The following TTLL5 variants were observed in gnomAD, a reference collection of about 807,000 sequenced individuals.
TTLL5 encodes the protein tubulin polyglutamylase TTLL5.
Under a neutral mutation model 168.4 loss-of-function variants are expected in TTLL5, and 132 were observed. That is an observed-to-expected ratio of 0.78 (90% confidence interval 0.68 to 0.91). TTLL5 has a LOEUF of 0.91. TTLL5 is among the 40% of genes least tolerant of loss of function. TTLL5 has a pLI of 0.00. For synonymous variants in TTLL5, 546 were observed against 558.6 expected, an observed-to-expected ratio of 0.98 and a Z score of 0.32; for missense variants, 1,545 against 1,581.5, an observed-to-expected ratio of 0.98 and a Z score of 0.39.
intron 31 of TTLL5, among the ~76,000 whole-genome samples, chr14:75,927,387 A>T (rs963127511): frequency 6.6e-6 from 1 of 152,240 alleles, no homozygotes; most frequent in African/African-American, 2.4e-5. Context: ...TGTATACAAT[A>T]AAAACCACCG....
intron 31 of TTLL5, among the ~76,000 whole-genome samples, chr14:75,928,106 C>G (rs2034137034): frequency 6.6e-6 from 1 of 151,888 alleles, no homozygotes; most frequent in African/African-American, 2.4e-5. Context: ...CAGAGATTGT[C>G]TGTAGGCGAA....
intron 7 of TTLL5, among the ~76,000 whole-genome samples, 199 bp from the exon 8 acceptor site, chr14:75,706,819 A>G (rs1028502698): frequency 2.0e-5 from 3 of 151,786 alleles, no homozygotes; most frequent in Non-Finnish European, 4.4e-5. Context: ...TTTTTCCTGC[A>G]TCGTAATTGG....
At position 75,951,917 on chromosome 14, in the gene TTLL5, AAAG is replaced by A. The variant is rs1387020901; in HGVS notation, c.3824-2501_3824-2499del. ...TATGACATCAAAAGCATAAGCAACA[AAAG>A]AAGAAAATAGACAAACTGGGCATCC... On this transcript the variant is annotated intron_variant, in intron 31 of 31. Coordinates refer to ENST00000298832, the MANE Select transcript of TTLL5 (RefSeq NM_015072.5). 3.9e-5 allele frequency among the ~76,000 whole-genome samples: 6 copies of A among 152,342 alleles called. No homozygotes were observed. In the East Asian group the frequency reaches 9.6e-4, roughly 24 times the overall value.
At chr14:75,857,642 CT>C (rs371117692) in intron 28 of TTLL5, among the ~76,000 whole-genome samples, 467 of 132,416 alleles carry the variant, frequency 3.5e-3, no homozygotes, top group Middle Eastern at 7.6e-3. Context: ...TGATAGAATT[CT>C]TTTTTTTTTT....
chr14:75,785,335 A>G (rs949603575), intron 26 of TTLL5, among the ~76,000 whole-genome samples: 5 of 152,138 alleles, frequency 3.3e-5, no homozygotes, highest in Admixed American at 1.3e-4. Context: ...ACATGCCACC[A>G]TGCTCAGCTA....
chr14:75,859,295 T>G (rs1240779740), intron 28 of TTLL5, among the ~76,000 whole-genome samples: 1 of 152,250 alleles, frequency 6.6e-6, no homozygotes, highest in African/African-American at 2.4e-5. Flanking sequence ...GCAGGTATGC[T>G]GCAGGAAGGG....
intron 29 of TTLL5, among the ~76,000 whole-genome samples, chr14:75,876,996 A>T (rs2031529662): frequency 6.6e-6 from 1 of 152,244 alleles, no homozygotes; most frequent in Non-Finnish European, 1.5e-5. Context: ...AACGGACAAG[A>T]AATGTCTTTG....
At chr14:75,677,697 A>G (rs1242581711) in intron 3 of TTLL5, among the ~76,000 whole-genome samples, 2 of 151,362 alleles carry the variant, frequency 1.3e-5, no homozygotes, top group Non-Finnish European at 2.9e-5. Flanking sequence ...AGCTCACTGT[A>G]ACTTTGAACT....
At chr14:75,896,222 C>T (rs2140069665) in intron 30 of TTLL5, among the ~76,000 whole-genome samples, 1 of 47,126 alleles carries the variant, frequency 2.1e-5, no homozygotes, top group East Asian at 7.1e-4. Flanking sequence ...GAAGAAGCAG[C>T]GTATACCTGT....
intron 12 of TTLL5, chr14:75,732,070 C>A (rs985505239): frequency 4.1e-6 from 1 of 245,820 alleles, no homozygotes; most frequent in Non-Finnish European, 7.7e-6. Flanking sequence ...AGAGTCAGGT[C>A]GCTTTCTATG....
chr14:75,781,910 G>A (rs372207136), intron 24 of TTLL5, among the ~76,000 whole-genome samples: 3 of 146,766 alleles, frequency 2.0e-5, no homozygotes, highest in Non-Finnish European at 4.4e-5. Context: ...AGCCAAGATC[G>A]CGCAATTGCG....
chr14:75,697,514 C>T (rs745948438), intron 6 of TTLL5, among the ~76,000 whole-genome samples: 1 of 152,130 alleles, frequency 6.6e-6, no homozygotes, highest in African/African-American at 2.4e-5. Context: ...TTTCTTTCCT[C>T]CTGCTGAAAT....
At chr14:75,755,565 G>A (rs573772803) in intron 18 of TTLL5, among the ~76,000 whole-genome samples, 2 of 152,028 alleles carry the variant, frequency 1.3e-5, no homozygotes, top group Non-Finnish European at 2.9e-5. Flanking sequence ...TTCCCAGATT[G>A]TATAATTGCC....
At chr14:75,752,722 G>A (rs1017197910) in intron 17 of TTLL5, among the ~76,000 whole-genome samples, 171 bp from the exon 18 acceptor site, 3 of 151,616 alleles carry the variant, frequency 2.0e-5, no homozygotes, top group South Asian at 2.1e-4. Context: ...AGTATCTTAC[G>A]ATTTAAATTT....
intron 28 of TTLL5, among the ~76,000 whole-genome samples, chr14:75,826,689 T>G (rs1248660744): frequency 6.6e-6 from 1 of 152,156 alleles, no homozygotes; most frequent in Non-Finnish European, 1.5e-5. Context: ...AGGAGTTGTT[T>G]TATTTATAAT....
At chr14:75,932,019 T>C (rs1390835138) in intron 31 of TTLL5, among the ~76,000 whole-genome samples, 1 of 152,236 alleles carries the variant, frequency 6.6e-6, no homozygotes. Flanking sequence ...ATTCAATACA[T>C]AAATATGGGA....
intron 29 of TTLL5, among the ~76,000 whole-genome samples, chr14:75,873,534 A>G (rs2031219137): frequency 6.6e-6 from 1 of 152,202 alleles, no homozygotes; most frequent in South Asian, 2.1e-4. Flanking sequence ...TCTTTTACTT[A>G]GCATAATGTC....
intron 7 of TTLL5, among the ~76,000 whole-genome samples, chr14:75,706,559 T>A (rs183276791): frequency 6.6e-4 from 101 of 152,294 alleles, no homozygotes; most frequent in Middle Eastern, 6.8e-3. Context: ...AATGCTAGGA[T>A]CCATTGTGGA....
intron 28 of TTLL5, among the ~76,000 whole-genome samples, chr14:75,825,180 C>T (rs773626681): frequency 1.3e-5 from 2 of 152,092 alleles, no homozygotes; most frequent in Non-Finnish European, 2.9e-5. Flanking sequence ...GTGTAGGTTT[C>T]TTGGTAACTC....
Sources: gnomAD v4.1 joint callset for allele counts (sites outside exome capture counted in the v4.1 genomes callset) on GRCh38, gnomAD v4.1.1 for gene constraint, MANE v1.5 for transcripts, NCBI Gene and HGNC (gene_info 2026-07-23, HGNC 2026-07-21) for gene names.